Variants in KCTD16 observed in about 807,000 individuals in gnomAD.
KCTD16 encodes BTB/POZ domain-containing protein KCTD16.
A neutral mutation model predicts 33.2 loss-of-function variants in KCTD16; 13 were observed. The observed-to-expected ratio is 0.39, with a 90% CI of 0.25 to 0.62. The LOEUF is 0.62. KCTD16 is among the 20% of genes least tolerant of loss of function. The probability of loss-of-function intolerance (pLI) is 0.50; values close to 1 mark genes in which losing one functional copy is unlikely to be tolerated. For missense variants in KCTD16, 441 were observed against 525.1 expected (o/e 0.84, Z 1.57); for synonymous variants, 197 against 195.3 (o/e 1.01, Z -0.07).
intron 2 of KCTD16, among the ~76,000 whole-genome samples, chr5:144,191,134 T>C (rs1288081153): frequency 6.6e-6 from 1 of 152,144 alleles, no homozygotes; most frequent in East Asian, 1.9e-4. Context: ...AAAACGGAAA[T>C]TCTTATTGCT....
intron 3 of KCTD16, among the ~76,000 whole-genome samples, chr5:144,303,794 C>T (rs1401901056): frequency 2.6e-5 from 4 of 152,112 alleles, no homozygotes; most frequent in Admixed American, 6.6e-5. Context: ...CCTGCCTTCA[C>T]CTTCTGTTTC....
intron 3 of KCTD16, among the ~76,000 whole-genome samples, chr5:144,456,802 A>G (rs1754075483): frequency 6.6e-6 from 1 of 151,972 alleles, no homozygotes; most frequent in Non-Finnish European, 1.5e-5. Context: ...CAAACAAAAC[A>G]ATAAAAATCC....
chr5:144,228,387 G>A (rs765352031), intron 3 of KCTD16, among the ~76,000 whole-genome samples: 4 of 152,152 alleles, frequency 2.6e-5, no homozygotes, highest in Admixed American at 2.6e-4. Context: ...CAAATTGAGA[G>A]TAATGGCTAT....
At chr5:144,237,828 G>A (rs1754295207) in intron 3 of KCTD16, among the ~76,000 whole-genome samples, 1 of 152,124 alleles carries the variant, frequency 6.6e-6, no homozygotes, top group Non-Finnish European at 1.5e-5. Flanking sequence ...CCCACACTAA[G>A]TTCAGAGATG....
At chr5:144,174,754 A>G (rs1752465737) in intron 2 of KCTD16, among the ~76,000 whole-genome samples, 1 of 152,224 alleles carries the variant, frequency 6.6e-6, no homozygotes, top group South Asian at 2.1e-4. Context: ...CCCCAATTTT[A>G]TAACTATTCC....
chr5:144,462,620 C>A (rs1270494062), intron 3 of KCTD16, among the ~76,000 whole-genome samples: 17 of 148,376 alleles, frequency 1.1e-4, no homozygotes, highest in Non-Finnish European at 2.4e-4. Context: ...CAAATGTTAG[C>A]AAATAAGAGT....
chr5:144,254,439 C>A (rs764178883), intron 3 of KCTD16, among the ~76,000 whole-genome samples: 27 of 152,140 alleles, frequency 1.8e-4, no homozygotes, highest in Admixed American at 3.9e-4. Context: ...TGAGAATAAG[C>A]TGATCACCCA....
intron 3 of KCTD16, among the ~76,000 whole-genome samples, chr5:144,418,041 C>T (rs960351122): frequency 2.0e-5 from 3 of 152,142 alleles, no homozygotes; most frequent in Non-Finnish European, 2.9e-5. Flanking sequence ...AGGTGTGAAG[C>T]CACAGACCTT....
intron 3 of KCTD16, among the ~76,000 whole-genome samples, chr5:144,387,560 G>T (rs541660845): frequency 6.6e-6 from 1 of 152,156 alleles, no homozygotes; most frequent in African/African-American, 2.4e-5. Flanking sequence ...AAAGAATCAG[G>T]TACTCTTTTG....
At chr5:144,410,596 A>G (rs1752911932) in intron 3 of KCTD16, among the ~76,000 whole-genome samples, 1 of 151,978 alleles carries the variant, frequency 6.6e-6, no homozygotes, top group South Asian at 2.1e-4. Flanking sequence ...CTATTTTGCT[A>G]TTTATTCTGG....
intron 1 of KCTD16, among the ~76,000 whole-genome samples, chr5:144,172,217 A>G (rs367585041): frequency 5.8e-4 from 88 of 152,320 alleles, no homozygotes; most frequent in African/African-American, 1.8e-3. Flanking sequence ...ATTGTACTCT[A>G]GAGACCAACA....
chr5:144,266,751 A>G (rs1755155435), intron 3 of KCTD16, among the ~76,000 whole-genome samples: 1 of 151,976 alleles, frequency 6.6e-6, no homozygotes, highest in Non-Finnish European at 1.5e-5. Context: ...TGCACAAAGT[A>G]TATGAACCCA....
At chr5:144,462,876 T>C (rs1407332586) in intron 3 of KCTD16, among the ~76,000 whole-genome samples, 1 of 152,162 alleles carries the variant, frequency 6.6e-6, no homozygotes, top group African/African-American at 2.4e-5. Context: ...ATGGAGATAA[T>C]AGTGGATTCC....
intron 3 of KCTD16, among the ~76,000 whole-genome samples, chr5:144,409,594 C>T (rs58687685): frequency 0.043 from 6,605 of 151,976 alleles, 464 homozygotes; most frequent in African/African-American, 0.15. Context: ...CGCTGTGGCT[C>T]ACGCCTGTAA....
Position 144,230,619 on chromosome 5 carries a change from G to A in KCTD16, c.832+23073G>A, listed in dbSNP as rs534153743. Among the ~76,000 whole-genome samples, 9 of 151,792 alleles carry A rather than the reference G, an allele frequency of 5.9e-5. 1 individual carries two copies. The highest frequency in any genetic ancestry group is 9.7e-5 in the African/African-American group (4 of 41,402). The stretch of plus-strand genomic sequence containing the variant: ...AGTTTTTTTTTTTCTTTTCTTAATT[G>A]GGAATGCCAATTATATAAGGTGTAA... On this transcript the variant is annotated intron_variant, in intron 3 of 3. Coordinates refer to ENST00000512467, the MANE Select transcript of KCTD16 (RefSeq NM_020768.4).
intron 3 of KCTD16, among the ~76,000 whole-genome samples, chr5:144,327,575 T>C (rs1273404217): frequency 1.3e-5 from 2 of 152,162 alleles, no homozygotes; most frequent in Non-Finnish European, 2.9e-5. Context: ...TTTCTACAGA[T>C]AATCACTGTT....
chr5:144,223,860 A>C lies in KCTD16; in HGVS notation c.832+16314A>C, dbSNP rs1753840346. Among the ~76,000 whole-genome samples the C allele has an allele frequency of 2.0e-5, 3 of 152,028 alleles. No homozygotes were observed. The South Asian group carries it at 6.2e-4, about 32-fold the overall frequency. ...TTTGGATTGAAGTGAGAATTAGGTAAGGTGTTCCTCCTTGTTCCCCATTTC... is the reference window on the plus strand; with the variant it reads ...TTTGGATTGAAGTGAGAATTAGGTACGGTGTTCCTCCTTGTTCCCCATTTC... On this transcript the variant is annotated intron_variant, in intron 3 of 3. Transcript: ENST00000512467.
chr5:144,184,045 T>C (rs993039139), intron 2 of KCTD16, among the ~76,000 whole-genome samples: 1 of 152,226 alleles, frequency 6.6e-6, no homozygotes, highest in African/African-American at 2.4e-5. Context: ...GGTACTGTGA[T>C]GCCTACAGAA....
At chr5:144,243,069 T>C (rs936678151) in intron 3 of KCTD16, among the ~76,000 whole-genome samples, 2 of 152,208 alleles carry the variant, frequency 1.3e-5, no homozygotes, top group Non-Finnish European at 2.9e-5. Context: ...TTCCTTAGGC[T>C]CCTTTGGCTG....
Sources: gnomAD v4.1 joint callset for allele counts (sites outside exome capture counted in the v4.1 genomes callset) on GRCh38, gnomAD v4.1.1 for gene constraint, MANE v1.5 for transcripts, NCBI Gene and HGNC (gene_info 2026-07-23, HGNC 2026-07-21) for gene names.